Variants in ZPBP observed in about 807,000 individuals in gnomAD.
ZPBP encodes zona pellucida-binding protein 1.
ZPBP carries 26 observed loss-of-function variants against 44.8 expected under a neutral mutation model. That is an observed-to-expected ratio of 0.58 (90% CI 0.43 to 0.81). The LOEUF is 0.81. Ranked by LOEUF, ZPBP falls within the 30% of genes least tolerant of loss-of-function variation. ZPBP has a pLI of 0.00. For synonymous variants in ZPBP, 174 were observed against 153.2 expected (o/e 1.14, Z -1.00); for missense variants, 409 against 434.0 (o/e 0.94, Z 0.51).
chr7:49,844,231 A>G, the ZPBP span, among the ~76,000 whole-genome samples: 6 of 152,216 alleles, frequency 3.9e-5, no homozygotes, highest in Non-Finnish European at 5.9e-5. Context: ...CTCTACATCA[A>G]TCCTTATGAT....
At chr7:49,994,940 T>C (rs577378149) in intron 6 of ZPBP, among the ~76,000 whole-genome samples, 1 of 152,270 alleles carries the variant, frequency 6.6e-6, no homozygotes, top group Non-Finnish European at 1.5e-5. Flanking sequence ...CTCTAAAATA[T>C]AAATAAGCCT....
intron 1 of ZPBP, chr7:49,919,333 C>A (rs916008993): frequency 6.6e-6 from 1 of 152,102 alleles, no homozygotes; most frequent in East Asian, 1.9e-4. Context: ...ATAAAAAAAG[C>A]GATGGCATCA....
At chr7:50,002,517 C>T (rs1451266298) in intron 6 of ZPBP, among the ~76,000 whole-genome samples, 2 of 152,126 alleles carry the variant, frequency 1.3e-5, no homozygotes, top group Non-Finnish European at 2.9e-5. Context: ...GCCACCACAC[C>T]CAGCTCATTC....
At chr7:50,019,982 A>T (rs1449003512) in intron 5 of ZPBP, among the ~76,000 whole-genome samples, 1 of 151,726 alleles carries the variant, frequency 6.6e-6, no homozygotes, top group Admixed American at 6.6e-5. Flanking sequence ...TGGAAGGTGG[A>T]GGTTGCAGTA....
At position 49,993,098 on chromosome 7, in the gene ZPBP, C is replaced by G. The variant is rs886627851; in HGVS notation, c.784-9579G>C. ...CTGGTACATATGTTAAAACTTGAAG[C>G]AAAACCACTAAAATAAATATTTAAA... On this transcript the variant is annotated intron_variant, in intron 6 of 7. Transcript: ENST00000046087. 4.6e-5 allele frequency among the ~76,000 whole-genome samples: 7 copies of G among 151,952 alleles called. No homozygotes were observed. The East Asian group carries it at 1.2e-3, about 25-fold the overall frequency.
At chr7:50,043,215 T>C (rs1210980280) in intron 4 of ZPBP, among the ~76,000 whole-genome samples, 1 of 152,220 alleles carries the variant, frequency 6.6e-6, no homozygotes, top group African/African-American at 2.4e-5. Context: ...ATCTATAATC[T>C]ATAGAAACAA....
At chr7:49,928,370 A>G (rs553364793) in intron 1 of ZPBP, among the ~76,000 whole-genome samples, 7 of 152,134 alleles carry the variant, frequency 4.6e-5, no homozygotes, top group Non-Finnish European at 8.8e-5. Context: ...AGTGGGCCAA[A>G]TTGTTGACTT....
chr7:50,016,229 C>T (rs1798812087), intron 6 of ZPBP, among the ~76,000 whole-genome samples: 1 of 152,130 alleles, frequency 6.6e-6, no homozygotes, highest in Non-Finnish European at 1.5e-5. Context: ...ACTATGCAGC[C>T]ATAAAAAAGA....
intron 6 of ZPBP, among the ~76,000 whole-genome samples, chr7:50,011,160 C>T (rs1383571933): frequency 3.3e-5 from 5 of 152,104 alleles, no homozygotes; most frequent in African/African-American, 1.2e-4. Context: ...TGGCAACCCA[C>T]ATGTAGGAGA....
chr7:50,088,791 C>T (rs4917009), intron 2 of ZPBP, among the ~76,000 whole-genome samples: 41,987 of 149,508 alleles, frequency 0.28, 6,667 homozygotes, highest in Non-Finnish European at 0.37. Context: ...TCTGAACCCT[C>T]ATACATTGCT....
intron 1 of ZPBP, among the ~76,000 whole-genome samples, chr7:49,925,993 C>T (rs966971486): frequency 2.6e-5 from 4 of 152,220 alleles, no homozygotes; most frequent in Non-Finnish European, 5.9e-5. Flanking sequence ...GCCCTCAGGA[C>T]CTGCTTGGAC....
At chr7:50,028,284 TAA>T (rs35997351) in intron 5 of ZPBP, among the ~76,000 whole-genome samples, 116,432 of 150,940 alleles carry the variant, frequency 0.77, 44,892 homozygotes, top group East Asian at 0.87. Context: ...GGGTGAAAAT[TAA>T]AAAAAAAACA....
intron 5 of ZPBP, among the ~76,000 whole-genome samples, chr7:50,020,325 T>C (rs1799029774): frequency 6.6e-6 from 1 of 152,114 alleles, no homozygotes; most frequent in Admixed American, 6.6e-5. Flanking sequence ...TTCATGAAAC[T>C]AATGCAAAAC....
At chr7:50,036,171 T>C (rs1799816708) in intron 4 of ZPBP, among the ~76,000 whole-genome samples, 1 of 152,346 alleles carries the variant, frequency 6.6e-6, no homozygotes, top group East Asian at 1.9e-4. Context: ...TTGTTTGTTT[T>C]GAGACAGAGT....
rs77761527 is a variant in ZPBP at position 49,925,722 on chromosome 7, T to G, written n.411+10029A>C. Among the ~76,000 whole-genome samples the G allele has an allele frequency of 2.4e-3, 360 of 152,354 alleles. 2 individuals carry two copies. Among genetic ancestry groups the G allele is most frequent in the Middle Eastern group, 0.014 (4 of 294 alleles). ...CCTCAGACCTCCTTGTCTCCAGTCT[T>G]TTGGTCTTTCCTTCCAGGCCCCTGG... On this transcript the variant is annotated intron_variant and non_coding_transcript_variant, in intron 1 of 2. Coordinates refer to the ZPBP transcript ENST00000465922.
intron 1 of ZPBP, among the ~76,000 whole-genome samples, chr7:50,092,286 C>A (rs192160940): frequency 7.9e-5 from 12 of 152,162 alleles, no homozygotes; most frequent in African/African-American, 2.9e-4. Context: ...ATTCCTGATG[C>A]CTGGACTTTG....
At chr7:49,937,668 A>T (rs372456337) in intron 7 of ZPBP, 46 bp from the exon 8 acceptor site, 8 of 1,424,588 alleles carry the variant, frequency 5.6e-6, no homozygotes, top group Non-Finnish European at 6.9e-6. Flanking sequence ...CCTAATACAC[A>T]TAATATAAAA....
intron 2 of ZPBP, among the ~76,000 whole-genome samples, chr7:50,083,256 C>A: frequency 6.6e-6 from 1 of 151,824 alleles, no homozygotes; most frequent in South Asian, 2.1e-4. Context: ...AACAATAATG[C>A]ATTAAACCAT....
chr7:50,078,531 A>G (rs1802211887), intron 3 of ZPBP, among the ~76,000 whole-genome samples: 2 of 151,408 alleles, frequency 1.3e-5, no homozygotes, highest in African/African-American at 4.8e-5. Flanking sequence ...CCTACTATGT[A>G]CCTAAAATTA....
Sources: allele counts gnomAD v4.1 joint callset (sites outside exome capture counted in the v4.1 genomes callset), GRCh38; gene constraint gnomAD v4.1.1; transcripts MANE v1.5; gene names NCBI Gene and HGNC (gene_info 2026-07-23, HGNC 2026-07-21).